Variants in PPARD observed in about 807,000 individuals in gnomAD.
PPARD encodes the protein peroxisome proliferator activated receptor delta, also known as peroxisome proliferator-activated receptor delta.
A neutral mutation model predicts 39.5 loss-of-function variants in PPARD; 6 were observed. The ratio of observed to expected loss-of-function variants is 0.15; its 90% CI spans 0.08 to 0.30. The LOEUF (loss-of-function observed/expected upper bound fraction) is 0.30. PPARD is among the 10% of genes least tolerant of loss of function. The pLI, the probability that PPARD is intolerant of heterozygous loss-of-function variation, is 1.00. For synonymous variants in PPARD, 210 were observed against 231.3 expected (o/e 0.91, Z 0.83); for missense variants, 397 against 596.8 (o/e 0.67, Z 3.49).
chr6:35,362,549 A>G (rs1334797190), intron 2 of PPARD, among the ~76,000 whole-genome samples: 3 of 152,062 alleles, frequency 2.0e-5, no homozygotes, highest in African/African-American at 7.2e-5. Flanking sequence ...GAGTTTAGAA[A>G]AAAAGATGCA....
intron 2 of PPARD, among the ~76,000 whole-genome samples, chr6:35,357,528 C>T (rs1761684634): frequency 6.6e-6 from 1 of 151,964 alleles, no homozygotes; most frequent in Non-Finnish European, 1.5e-5. Flanking sequence ...AATTAACTCT[C>T]CACTGCCTAC....
intron 1 of PPARD, among the ~76,000 whole-genome samples, chr6:35,345,332 C>G (rs1326516872): frequency 6.6e-6 from 1 of 152,128 alleles, no homozygotes; most frequent in Non-Finnish European, 1.5e-5. Flanking sequence ...ATTGCCCAGG[C>G]TGGAGTGCAG....
chr6:35,356,439 C>T lies in PPARD; in HGVS notation c.-102+9289C>T, dbSNP rs192558429. On this transcript the variant is annotated intron_variant, in intron 2 of 7. Coordinates refer to ENST00000360694, the MANE Select transcript of PPARD (RefSeq NM_006238.5). ...ATCCAGAGCTCTCTACTCATTACCC[C>T]CTTTTCCAAACAAGCAAGCAAAGCA... 2.6e-5 allele frequency among the ~76,000 whole-genome samples: 4 copies of T among 152,320 alleles called. No individual in the cohort carries two copies. The East Asian group carries it at 7.7e-4, about 29-fold the overall frequency.
At chr6:35,422,986 G>A (rs1766282119) in intron 5 of PPARD, among the ~76,000 whole-genome samples, 1 of 145,252 alleles carries the variant, frequency 6.9e-6, no homozygotes, top group South Asian at 2.1e-4. Flanking sequence ...GGGAGGCCAA[G>A]GTAGGAGGAT....
In PPARD at chr6:35,424,569, A is replaced by G. The variant is rs1183119482; in HGVS notation, c.868A>G (p.Ile290Val). The G allele has an allele frequency of 6.2e-7, 1 of 1,614,238 alleles. No homozygotes were observed. The highest frequency in any genetic ancestry group is 2.2e-5 in the East Asian group (1 of 44,886). Residue 290 changes from isoleucine (I) to valine (V), a missense_variant, in exon 7 of 8, where the codon ATC becomes GTC. By Grantham distance (29) the Ile-to-Val change is conservative (BLOSUM62 3). Transcript: ENST00000360694. This position sits in a 1 kb window ranked among gnomAD's most constrained non-coding sequence, Gnocchi z 7.1. ...TLLKYGVHEA[I>V]FAMLASIVNK... ...TCTCAAGTATGGCGTGCACGAGGCC[A>G]TCTTCGCCATGCTGGCCTCTATCGT... is the stretch of plus-strand genomic sequence containing the variant.
rs1300865704 is a variant in PPARD, at chr6:35,425,396, A to T, written c.1079-436A>T. 3.8e-6 allele frequency: 4 copies of T among 1,041,090 alleles called. No homozygotes were observed. The highest frequency in any genetic ancestry group is 4.6e-6 in the Non-Finnish European group (4 of 865,014). The allele number at this position is 1,041,090 out of a possible 1,614,324, so 64.5% of individuals were successfully genotyped here. On this transcript the variant is annotated intron_variant, in intron 7 of 7. Transcript: ENST00000360694. This position sits in a 1 kb window ranked among gnomAD's most constrained non-coding sequence, Gnocchi z 4.5. ...AATAAATACAATAATAACTATGCTA[A>T]CTAACAGTGGTCTAGAGCTTACTTC...
chr6:35,407,679 A>C (rs1765145840), intron 2 of PPARD, among the ~76,000 whole-genome samples: 1 of 150,404 alleles, frequency 6.6e-6, no homozygotes, highest in Non-Finnish European at 1.5e-5. Context: ...AAAATAAATA[A>C]ATAAATAAAA....
At chr6:35,392,475 T>C (rs747189575) in intron 2 of PPARD, among the ~76,000 whole-genome samples, 12 of 152,000 alleles carry the variant, frequency 7.9e-5, no homozygotes, top group Non-Finnish European at 1.5e-4. Context: ...TGGCCCACTT[T>C]AGGGTTGATG....
chr6:35,421,998 A>C (rs1264149125), intron 5 of PPARD, 40 bp downstream of exon 5: 2 of 1,565,722 alleles, frequency 1.3e-6, no homozygotes, highest in Non-Finnish European at 1.7e-6. Context: ...TGCTGGCTCC[A>C]CACAGCCTGA....
intron 4 of PPARD, among the ~76,000 whole-genome samples, chr6:35,420,819 C>CTTATT (rs1766103099): frequency 1.2e-5 from 1 of 85,708 alleles, no homozygotes; most frequent in Non-Finnish European, 2.1e-5. Context: ...AACAAAGAAG[C>CTTATT]TTTTTTTTTT....
chr6:35,391,958 T>G (rs1764028761), intron 2 of PPARD, among the ~76,000 whole-genome samples: 1 of 152,030 alleles, frequency 6.6e-6, no homozygotes, highest in Non-Finnish European at 1.5e-5. Context: ...GGCAGCTGGT[T>G]GTTATGATTG....
intron 3 of PPARD, among the ~76,000 whole-genome samples, chr6:35,411,890 G>A (rs1457987475): frequency 2.6e-5 from 4 of 151,982 alleles, no homozygotes; most frequent in Non-Finnish European, 5.9e-5. Flanking sequence ...CAGAATCCAT[G>A]CAGCCCCTGG....
intron 2 of PPARD, among the ~76,000 whole-genome samples, chr6:35,361,902 G>C (rs1322415722): frequency 1.3e-5 from 2 of 152,206 alleles, no homozygotes; most frequent in African/African-American, 2.4e-5. Context: ...GTAATAAACA[G>C]TGGATGACAC....
rs575952406 is a variant in PPARD, at chr6:35,383,411, C to T, written c.-101-27576C>T. On this transcript the variant is annotated intron_variant, in intron 2 of 7. Coordinates refer to ENST00000360694, the MANE Select transcript of PPARD (RefSeq NM_006238.5). ...CCACCTCCCAGCCGCCTGCCTTGGC[C>T]TCCCAAAGTGCTGAGATTGCAGCCT... is the stretch of plus-strand genomic sequence containing the variant. Among the ~76,000 whole-genome samples the T allele has an allele frequency of 5.7e-4, 87 of 152,334 alleles. No homozygotes were observed. The East Asian group carries it at 6.7e-3, about 12-fold the overall frequency.
intron 2 of PPARD, among the ~76,000 whole-genome samples, chr6:35,352,359 T>C (rs1282245572): frequency 6.6e-6 from 1 of 151,908 alleles, no homozygotes; most frequent in Non-Finnish European, 1.5e-5. Flanking sequence ...AATTTTTGTA[T>C]TTTTTTAGTA....
chr6:35,386,801 TCTC>T (rs1277476039), intron 2 of PPARD, among the ~76,000 whole-genome samples: 1 of 152,040 alleles, frequency 6.6e-6, no homozygotes, highest in Non-Finnish European at 1.5e-5. Flanking sequence ...CTGTAGTCTT[TCTC>T]CTACCATTTC....
intron 2 of PPARD, among the ~76,000 whole-genome samples, chr6:35,353,462 A>T (rs374838799): frequency 6.6e-6 from 1 of 152,228 alleles, no homozygotes; most frequent in Non-Finnish European, 1.5e-5. Flanking sequence ...GTTGATGCAC[A>T]GGAGAGATTA....
At chr6:35,377,869 A>ATATTTT in intron 2 of PPARD, among the ~76,000 whole-genome samples, 1 of 103,124 alleles carries the variant, frequency 9.7e-6, no homozygotes, top group East Asian at 3.3e-4. Flanking sequence ...TTGTTTACGT[A>ATATTTT]TCTTTTTTTT....
intron 2 of PPARD, among the ~76,000 whole-genome samples, chr6:35,400,479 AG>A (rs1187083569): frequency 6.6e-6 from 1 of 152,150 alleles, no homozygotes; most frequent in Non-Finnish European, 1.5e-5. Flanking sequence ...GTGCCCTTAA[AG>A]GGCTGTCCTA....
Sources: allele counts gnomAD v4.1 joint callset (sites outside exome capture counted in the v4.1 genomes callset), GRCh38; gene constraint gnomAD v4.1.1; non-coding constraint Gnocchi (gnomAD v3.1); transcripts MANE v1.5; gene names NCBI Gene and HGNC (gene_info 2026-07-23, HGNC 2026-07-21).